Variants in SORCS1 observed in about 807,000 individuals in gnomAD.
SORCS1 encodes the protein sortilin related VPS10 domain containing receptor 1, also known as VPS10 domain-containing receptor SorCS1.
Under a neutral mutation model 146.1 loss-of-function variants are expected in SORCS1, and 60 were observed. The ratio of observed to expected loss-of-function variants is 0.41; its 90% CI spans 0.33 to 0.51. The LOEUF (loss-of-function observed/expected upper bound fraction) is 0.51, where lower values mean the gene tolerates loss of function less well. Ranked by LOEUF, SORCS1 falls within the 20% of genes least tolerant of loss-of-function variation. SORCS1 has a pLI of 0.21. For synonymous variants in SORCS1, 637 were observed against 584.0 expected (o/e 1.09, Z -1.31); for missense variants, 1,352 against 1,487.6 (o/e 0.91, Z 1.50).
At chr10:107,090,426 C>T (rs572236337) in intron 1 of SORCS1, among the ~76,000 whole-genome samples, 1 of 152,154 alleles carries the variant, frequency 6.6e-6, no homozygotes, top group South Asian at 2.1e-4. Context: ...GGAGTTTGGA[C>T]TTGTAATTCA....
intron 2 of SORCS1, among the ~76,000 whole-genome samples, chr10:106,890,812 ATTT>A (rs10710411): frequency 0.025 from 3,659 of 149,154 alleles, 134 homozygotes; most frequent in African/African-American, 0.083. Context: ...ATATACATAC[ATTT>A]TTTTTTTTTT....
In SORCS1 at chr10:106,794,210, A is replaced by T. The variant is rs149138510; in HGVS notation, c.727-17518T>A. ...TTCCCATATGGCCATACTCTACAAC[A>T]ACTCTAGAACTGCTATCCCCTATAG... On this transcript the variant is annotated intron_variant, in intron 3 of 25. Transcript: ENST00000263054. 7.6e-3 allele frequency among the ~76,000 whole-genome samples: 1,164 copies of T among 152,276 alleles called. 10 individuals are homozygous for T. Among genetic ancestry groups the T allele is most frequent in the Middle Eastern group, 0.014 (4 of 294 alleles).
chr10:106,578,647 T>C, intron 25 of SORCS1: 1 of 997,000 alleles, frequency 1.0e-6, no homozygotes, highest in Non-Finnish European at 1.2e-6. Flanking sequence ...CCAGAGCAGT[T>C]TGCCCTCCTT....
chr10:106,742,599 C>CA (rs1168897983), intron 5 of SORCS1, among the ~76,000 whole-genome samples: 2 of 152,148 alleles, frequency 1.3e-5, no homozygotes, highest in East Asian at 3.9e-4. Flanking sequence ...AGGTTGGTCT[C>CA]AAACTCTTGA....
chr10:106,618,522 G>A (rs1462801111), intron 20 of SORCS1, among the ~76,000 whole-genome samples: 1 of 152,146 alleles, frequency 6.6e-6, no homozygotes, highest in African/African-American at 2.4e-5. Flanking sequence ...ATTCAGGGCT[G>A]GGGAGATGGA....
At chr10:106,896,262 C>G (rs1166977581) in intron 2 of SORCS1, among the ~76,000 whole-genome samples, 1 of 151,904 alleles carries the variant, frequency 6.6e-6, no homozygotes, top group Non-Finnish European at 1.5e-5. Flanking sequence ...AACCTCATCT[C>G]TACTAAAAAT....
chr10:106,879,800 C>A (rs1950742671), intron 2 of SORCS1, among the ~76,000 whole-genome samples: 1 of 152,152 alleles, frequency 6.6e-6, no homozygotes, highest in Non-Finnish European at 1.5e-5. Flanking sequence ...GCCTTAGGAC[C>A]TGGATGTGCC....
intron 1 of SORCS1, among the ~76,000 whole-genome samples, chr10:107,087,635 T>C (rs1051266808): frequency 1.3e-5 from 2 of 152,164 alleles, no homozygotes; most frequent in African/African-American, 4.8e-5. Context: ...ATAGTGAAGA[T>C]AAAGAAGGTG....
At chr10:106,583,785 A>ACCC (rs1345085460) in intron 24 of SORCS1, among the ~76,000 whole-genome samples, 4 of 152,032 alleles carry the variant, frequency 2.6e-5, no homozygotes, top group African/African-American at 7.2e-5. Flanking sequence ...CTGGGATTAC[A>ACCC]GGTGTGAGCC....
intron 1 of SORCS1, among the ~76,000 whole-genome samples, chr10:106,998,576 T>C (rs937551213): frequency 3.0e-4 from 45 of 152,250 alleles, no homozygotes; most frequent in African/African-American, 1.1e-3. Flanking sequence ...AAAAATAAGC[T>C]GTATTAGATA....
In SORCS1 at chr10:106,976,132, CA is replaced by C. The variant is rs765709439; in HGVS notation, c.559-19553del. Among the ~76,000 whole-genome samples, 735 of 83,854 alleles carry C rather than the reference CA, an allele frequency of 8.8e-3. 10 individuals are homozygous for C. The highest frequency in any genetic ancestry group is 0.036 in the South Asian group (100 of 2,766). The allele number at this position is 83,854 out of a possible 152,430, so 55.0% of individuals were successfully genotyped here. A position where few individuals can be genotyped will look rare whatever the true frequency, so the allele number is the denominator to read the frequency against. On this transcript the variant is annotated intron_variant, in intron 1 of 25. Transcript: ENST00000263054. ...TAGTACTCCAGCCTGGACTCTGTCT[CA>C]AAAAAAAAAAAAAAAAAGCCATCTC...
intron 1 of SORCS1, among the ~76,000 whole-genome samples, chr10:107,149,930 T>C (rs574770005): frequency 6.6e-6 from 1 of 152,266 alleles, no homozygotes; most frequent in Non-Finnish European, 1.5e-5. Context: ...CCCTATTCTG[T>C]CTGCAAAATT....
intron 22 of SORCS1, among the ~76,000 whole-genome samples, chr10:106,611,211 A>T (rs549566101): frequency 1.3e-4 from 20 of 152,322 alleles, no homozygotes; most frequent in Admixed American, 1.3e-3. Flanking sequence ...GAGAAACCTT[A>T]GGAAGCTTTG....
intron 2 of SORCS1, among the ~76,000 whole-genome samples, chr10:106,872,205 A>G (rs2137587697): frequency 6.6e-6 from 1 of 152,374 alleles, no homozygotes; most frequent in Non-Finnish European, 1.5e-5. Flanking sequence ...TAGCCAAAGA[A>G]GGCCTCCTTG....
intron 3 of SORCS1, among the ~76,000 whole-genome samples, chr10:106,820,919 C>A (rs1947990189): frequency 6.6e-6 from 1 of 152,128 alleles, no homozygotes; most frequent in South Asian, 2.1e-4. Context: ...TGCATTTGAC[C>A]TTCATAAAAG....
intron 1 of SORCS1, among the ~76,000 whole-genome samples, chr10:107,092,567 C>G (rs1292848192): frequency 6.6e-6 from 1 of 152,314 alleles, no homozygotes; most frequent in Non-Finnish European, 1.5e-5. Context: ...CAGTCAGATG[C>G]TGGGCTCCTT....
At chr10:107,127,441 G>A (rs1343006923) in intron 1 of SORCS1, among the ~76,000 whole-genome samples, 2 of 152,074 alleles carry the variant, frequency 1.3e-5, no homozygotes, top group Non-Finnish European at 2.9e-5. Context: ...CTATGTCATT[G>A]GCATGTCTTT....
At chr10:107,009,047 C>G (rs1957578115) in intron 1 of SORCS1, among the ~76,000 whole-genome samples, 1 of 152,124 alleles carries the variant, frequency 6.6e-6, no homozygotes, top group Non-Finnish European at 1.5e-5. Context: ...ATTTTGTTTG[C>G]TTTGGTAAGT....
At chr10:106,865,345 T>C (rs539411170) in intron 2 of SORCS1, among the ~76,000 whole-genome samples, 1 of 152,318 alleles carries the variant, frequency 6.6e-6, no homozygotes, top group South Asian at 2.1e-4. Flanking sequence ...GCCTTCGCTG[T>C]TGATCCCTCC....
Sources: allele counts gnomAD v4.1 joint callset (sites outside exome capture counted in the v4.1 genomes callset), GRCh38; gene constraint gnomAD v4.1.1; transcripts MANE v1.5; gene names NCBI Gene and HGNC (gene_info 2026-07-23, HGNC 2026-07-21).